LRP2: variants seen among roughly 807,000 people sequenced by gnomAD.
LRP2 encodes the protein LDL receptor related protein 2, also known as low-density lipoprotein receptor-related protein 2.
In LRP2, 172 loss-of-function variants were observed where a neutral mutation model predicts 531.0. The ratio of observed to expected loss-of-function variants is 0.32; its 90% confidence interval spans 0.29 to 0.37. The LOEUF is 0.37. Among genes scored for constraint, LRP2 ranks in the 10% least tolerant of loss-of-function variants. LRP2 has a pLI of 1.00. For missense variants in LRP2, 5,167 were observed against 5,868.3 expected, an observed-to-expected ratio of 0.88 and a Z score of 3.90; for synonymous variants, 1,992 against 2,027.6, an observed-to-expected ratio of 0.98 and a Z score of 0.47.
chr2:169,139,283 GC>G lies in LRP2; in HGVS notation c.13355del (p.Gly4452AlafsTer13). 6.2e-7 allele frequency: 1 copy of G among 1,614,206 alleles called. No homozygotes were observed. Among genetic ancestry groups the G allele is most frequent in the Non-Finnish European group, 8.5e-7 (1 of 1,180,026 alleles). On this transcript the variant is annotated frameshift_variant, in exon 74 of 79. Transcript: ENST00000649046. LOFTEE classifies it high-confidence loss of function. Reference sequence around the variant, plus strand: ...GCTTGGGCAGAGCAGGCAAAAGGGAGCCGGTCCTTCTATAGTGGAAGAATCC... The same window carrying G: ...GCTTGGGCAGAGCAGGCAAAAGGGAGCGGTCCTTCTATAGTGGAAGAATCC... ...IAGFFHYRRT[G>X]SLLPALPKLP...
intron 1 of LRP2, among the ~76,000 whole-genome samples, chr2:169,360,322 C>A (rs143051144): frequency 9.2e-5 from 14 of 152,090 alleles, no homozygotes; most frequent in Non-Finnish European, 1.5e-4. Flanking sequence ...GTACTTACTT[C>A]CAAGGGATAT....
Position 169,327,193 on chromosome 2 carries a change from GCCCCCCGCCTGGCC to G in LRP2, c.80-6323_80-6310del. ...GTCCAGGAGGGAGGTGGGGGGGTCA[GCCCCCCGCCTGGCC>G]AGCCGCCCCATCCGGGAGGGAGGTG... is the stretch of plus-strand genomic sequence containing the variant. On this transcript the variant is annotated intron_variant, in intron 1 of 78. Coordinates refer to ENST00000649046, the MANE Select transcript of LRP2 (RefSeq NM_004525.3). Among the ~76,000 whole-genome samples the G allele has an allele frequency of 2.2e-5, 3 of 137,052 alleles. 1 individual carries two copies. Among genetic ancestry groups the G allele is most frequent in the African/African-American group, 5.7e-5 (2 of 35,194 alleles). 89.9% of individuals were successfully genotyped at this position (137,052 alleles called of 152,430 possible). A position where few individuals can be genotyped will look rare whatever the true frequency, so the allele number is the denominator to read the frequency against.
At chr2:169,225,615 A>T (rs1270383394) in intron 32 of LRP2, among the ~76,000 whole-genome samples, 162 bp from the exon 33 acceptor site, 6 of 152,226 alleles carry the variant, frequency 3.9e-5, no homozygotes, top group Non-Finnish European at 8.8e-5. Flanking sequence ...TAGGCTTCAA[A>T]CGATTTTTCA....
intron 76 of LRP2, among the ~76,000 whole-genome samples, chr2:169,136,578 C>G (rs1170192074): frequency 6.6e-6 from 1 of 152,038 alleles, no homozygotes; most frequent in African/African-American, 2.4e-5. Context: ...GATGACATTA[C>G]CTTGTGAAAT....
chr2:169,140,441 A>G lies in LRP2; in HGVS notation c.13199+14T>C. On this transcript the variant is annotated intron_variant, in intron 72 of 78. Transcript: ENST00000649046. ...GGCAAGGCCTATAGCTGGGACCTCAACATTCAGACTTACTTGCATTTGGGG... is the reference window on the plus strand; with the variant it reads ...GGCAAGGCCTATAGCTGGGACCTCAGCATTCAGACTTACTTGCATTTGGGG... The G allele has an allele frequency of 6.2e-7, 1 of 1,609,512 alleles. No homozygotes were observed. The highest frequency in any genetic ancestry group is 8.5e-7 in the Non-Finnish European group (1 of 1,175,760).
intron 3 of LRP2, among the ~76,000 whole-genome samples, chr2:169,312,092 G>C (rs1474088075): frequency 6.6e-6 from 1 of 152,032 alleles, no homozygotes; most frequent in African/African-American, 2.4e-5. Context: ...GAGCCTATGT[G>C]TGTCTCTGCA....
chr2:169,134,828 T>A (rs954078289), intron 76 of LRP2, among the ~76,000 whole-genome samples: 1 of 152,114 alleles, frequency 6.6e-6, no homozygotes, highest in Non-Finnish European at 1.5e-5. Context: ...CCGCTTTACT[T>A]CCAGAGGAAG....
rs549945744 is a variant in LRP2, at chr2:169,242,044, T to C, written c.3668-679A>G. On this transcript the variant is annotated intron_variant, in intron 24 of 78. Transcript: ENST00000649046. ...TCATCACAGAATTTTATGTTTTTAATGTGAAACAGGAAAATTAGTGATTAG... is the reference window on the plus strand; with the variant it reads ...TCATCACAGAATTTTATGTTTTTAACGTGAAACAGGAAAATTAGTGATTAG... 4.6e-5 allele frequency among the ~76,000 whole-genome samples: 7 copies of C among 152,352 alleles called. No individual in the cohort carries two copies. In the South Asian group the frequency reaches 1.4e-3, roughly 32 times the overall value.
chr2:169,260,338 GAC>G lies in LRP2; in HGVS notation c.2321-1123_2321-1122del, dbSNP rs527917815. 5.9e-5 allele frequency among the ~76,000 whole-genome samples: 9 copies of G among 152,254 alleles called. No homozygotes were observed. In the South Asian group the frequency reaches 1.7e-3, roughly 28 times the overall value. On this transcript the variant is annotated intron_variant, in intron 16 of 78. Transcript: ENST00000649046. ...AAGCAGAGGTCTGGGGTGGTTGACA[GAC>G]ACAGAGACTGAAAACTCTACATGTT...
At chr2:169,267,653 G>T (rs1275112757) in intron 16 of LRP2, among the ~76,000 whole-genome samples, 5 of 152,154 alleles carry the variant, frequency 3.3e-5, no homozygotes, top group South Asian at 4.1e-4. Flanking sequence ...GGAGAAAGCA[G>T]TAGAGATCTA....
intron 9 of LRP2, among the ~76,000 whole-genome samples, chr2:169,284,642 C>G (rs982091192): frequency 2.0e-5 from 3 of 152,096 alleles, no homozygotes; most frequent in African/African-American, 7.2e-5. Context: ...ATCTTTCTTT[C>G]CAAGGACCGT....
chr2:169,175,339 C>G lies in LRP2; in HGVS notation c.10622G>C (p.Gly3541Ala). The G allele has an allele frequency of 6.2e-7, 1 of 1,614,180 alleles. No homozygotes were observed. Among genetic ancestry groups the G allele is most frequent in the Non-Finnish European group, 8.5e-7 (1 of 1,180,036 alleles). ...CGGGCAAAGGGCCAGTTCATCAGAG[C>G]CATCTGAGCAGTCTTTCTGTCCATC... ...KCDGQKDCSDGSDELALCPQR... is the reference protein window; with the variant it reads ...KCDGQKDCSDASDELALCPQR... Residue 3541 changes from glycine (G) to alanine (A), a missense_variant, in exon 55 of 79, where the codon GGC (glycine) becomes GCC (alanine). Transcript: ENST00000649046.
At chr2:169,210,257 G>C (rs1025278513) in intron 37 of LRP2, among the ~76,000 whole-genome samples, 1 of 152,196 alleles carries the variant, frequency 6.6e-6, no homozygotes, top group South Asian at 2.1e-4. Flanking sequence ...TGGGAGCCAA[G>C]ACATTCACAG....
intron 2 of LRP2, among the ~76,000 whole-genome samples, chr2:169,319,467 A>T (rs1684854661): frequency 6.6e-6 from 1 of 152,202 alleles, no homozygotes; most frequent in Non-Finnish European, 1.5e-5. Flanking sequence ...TGCTATCACT[A>T]TCGTCATTGA....
At chr2:169,188,643 A>T (rs1687721650) in intron 48 of LRP2, among the ~76,000 whole-genome samples, 2 of 152,190 alleles carry the variant, frequency 1.3e-5, no homozygotes. Flanking sequence ...TTTGGTATAC[A>T]TCAGATCTAT....
At chr2:169,173,371 G>T in intron 56 of LRP2, 147 bp from the exon 57 acceptor site, 1 of 954,584 alleles carries the variant, frequency 1.0e-6, no homozygotes, top group Non-Finnish European at 1.6e-6. Flanking sequence ...TTTTAGATGT[G>T]ATCTGTTTAC....
intron 10 of LRP2, 121 bp from the exon 11 acceptor site, chr2:169,280,640 T>C (rs1362630190): frequency 4.0e-6 from 4 of 1,007,420 alleles, no homozygotes; most frequent in Non-Finnish European, 6.0e-6. Context: ...TTACCTGATT[T>C]TAACATAAAC....
intron 1 of LRP2, among the ~76,000 whole-genome samples, chr2:169,336,960 CAACTTA>C (rs1420626415): frequency 6.6e-6 from 1 of 152,148 alleles, no homozygotes; most frequent in Non-Finnish European, 1.5e-5. Context: ...GAGGGAAAAG[CAACTTA>C]AACTTAAAAG....
At chr2:169,141,111 A>G (rs2268379) in intron 71 of LRP2, among the ~76,000 whole-genome samples, 100,604 of 152,074 alleles carry the variant, frequency 0.66, 34,866 homozygotes, top group South Asian at 0.79. Context: ...TACTCCCAGG[A>G]TGTGCCTGAT....
Sources: allele counts gnomAD v4.1 joint callset (sites outside exome capture counted in the v4.1 genomes callset), GRCh38; gene constraint gnomAD v4.1.1; transcripts MANE v1.5; gene names NCBI Gene and HGNC (gene_info 2026-07-23, HGNC 2026-07-21).